Variants in CSNK1G1 observed in about 807,000 individuals in gnomAD.
CSNK1G1 encodes the protein casein kinase 1 gamma 1, also known as casein kinase I isoform gamma-1.
CSNK1G1 carries 22 observed loss-of-function variants against 59.6 expected under a neutral mutation model. That is an observed-to-expected ratio of 0.37 (90% CI 0.26 to 0.53). The LOEUF (loss-of-function observed/expected upper bound fraction) is 0.53, where lower values mean the gene tolerates loss of function less well. Ranked by LOEUF, CSNK1G1 falls within the 20% of genes least tolerant of loss-of-function variation. CSNK1G1 has a pLI of 0.89. For synonymous variants in CSNK1G1, 179 were observed against 177.1 expected (o/e 1.01, Z -0.08); for missense variants, 384 against 519.5 (o/e 0.74, Z 2.54).
chr15:64,196,455 C>CT (rs869219108), intron 10 of CSNK1G1, among the ~76,000 whole-genome samples: 203 of 143,550 alleles, frequency 1.4e-3, no homozygotes, highest in Middle Eastern at 7.2e-3. Context: ...ATCACCTGAA[C>CT]TTTTTTTTTT....
intron 1 of CSNK1G1, among the ~76,000 whole-genome samples, chr15:64,352,230 C>T (rs1406551567): frequency 4.0e-5 from 6 of 151,698 alleles, no homozygotes; most frequent in Admixed American, 3.3e-4. Context: ...TGCTTGAACC[C>T]GGGAGGCGGA....
intron 2 of CSNK1G1, among the ~76,000 whole-genome samples, chr15:64,299,463 A>G (rs1265450942): frequency 2.6e-5 from 4 of 151,924 alleles, no homozygotes; most frequent in Middle Eastern, 3.4e-3. Flanking sequence ...GTGGTGGCGG[A>G]TGCCTGTAGT....
intron 2 of CSNK1G1, among the ~76,000 whole-genome samples, chr15:64,278,136 C>T (rs990347017): frequency 4.0e-5 from 6 of 150,610 alleles, no homozygotes; most frequent in Admixed American, 1.3e-4. Context: ...ACCTCTGCCC[C>T]GCCGGTTTCA....
At chr15:64,259,090 A>G (rs535781348) in intron 3 of CSNK1G1, 111 bp downstream of exon 3, 1 of 840,634 alleles carries the variant, frequency 1.2e-6, no homozygotes, top group Non-Finnish European at 1.8e-6. Flanking sequence ...CACAAAAAAA[A>G]CCCCAAACCA....
chr15:64,179,394 T>C (rs1029521256), intron 11 of CSNK1G1, among the ~76,000 whole-genome samples: 4 of 152,148 alleles, frequency 2.6e-5, no homozygotes, highest in Non-Finnish European at 5.9e-5. Context: ...TGTTCTGGCT[T>C]GTATTAAGCT....
Position 64,166,107 on chromosome 15 carries a change from G to A in CSNK1G1, c.*5824C>T, listed in dbSNP as rs1380145770. 6 of 599,990 alleles carry A rather than the reference G, an allele frequency of 1.0e-5. No homozygotes were observed. Among genetic ancestry groups the A allele is most frequent in the East Asian group, 3.0e-5 (1 of 33,664 alleles). 37.2% of individuals were successfully genotyped at this position (599,990 alleles called of 1,614,324 possible). On this transcript the variant is annotated 3_prime_UTR_variant, in exon 12 of 12. Transcript: ENST00000303052. The surrounding 1 kb of genome is among the most constrained non-coding windows in gnomAD (Gnocchi z 4.5). The stretch of plus-strand genomic sequence containing the variant: ...TAAAAAAAAAAAAAGTAAAAAAAGA[G>A]GCATTTAACAATAATCAGACACATC...
chr15:64,265,261 G>C (rs1892914858), intron 2 of CSNK1G1, among the ~76,000 whole-genome samples: 1 of 152,222 alleles, frequency 6.6e-6, no homozygotes, highest in Non-Finnish European at 1.5e-5. Context: ...GGAGCACACA[G>C]TGTGTGGGAG....
intron 2 of CSNK1G1, among the ~76,000 whole-genome samples, chr15:64,277,778 A>ATAATATATT (rs1893786138): frequency 8.8e-6 from 1 of 113,500 alleles, no homozygotes; most frequent in Non-Finnish European, 1.8e-5. Flanking sequence ...GATATATTTA[A>ATAATATATT]TAATATATTA....
At chr15:64,215,497 C>A (rs887517454) in intron 5 of CSNK1G1, among the ~76,000 whole-genome samples, 9 of 152,168 alleles carry the variant, frequency 5.9e-5, no homozygotes, top group Non-Finnish European at 1.2e-4. Context: ...CAGGCGTGAG[C>A]CACCATTCCC....
Position 64,203,152 on chromosome 15 carries a change from G to A in CSNK1G1, c.1037C>T (p.Ala346Val), listed in dbSNP as rs1388008945. ...GTGGCTTTCTCGAGTTATTGCAGATGCACCAGAATCTACGTGAACTGACCC... is the reference window on the plus strand; with the variant it reads ...GTGGCTTTCTCGAGTTATTGCAGATACACCAGAATCTACGTGAACTGACCC... ...PVGSVHVDSG[A>V]SAITRESHTH... The change falls in exon 10 of 12, where the codon GCA becomes GTA. Residue 346 changes from alanine (A) to valine (V), a missense_variant. Transcript: ENST00000303052. The A allele has an allele frequency of 1.9e-6, 3 of 1,613,872 alleles. No individual in the cohort carries two copies. In the African/African-American group the frequency reaches 4.0e-5, roughly 22 times the overall value.
chr15:64,288,568 GTA>G (rs1332050257), intron 2 of CSNK1G1, among the ~76,000 whole-genome samples: 2 of 151,848 alleles, frequency 1.3e-5, no homozygotes, highest in East Asian at 1.9e-4. Context: ...ATATATGTGT[GTA>G]TGTGTGTGTG....
intron 10 of CSNK1G1, among the ~76,000 whole-genome samples, chr15:64,201,765 T>G (rs1014767037): frequency 5.9e-5 from 9 of 151,584 alleles, no homozygotes; most frequent in Non-Finnish European, 1.0e-4. Context: ...TATACTATTC[T>G]TAACCTATAT....
chr15:64,294,958 G>A (rs1461021910), intron 2 of CSNK1G1, among the ~76,000 whole-genome samples: 7 of 150,068 alleles, frequency 4.7e-5, no homozygotes, highest in South Asian at 2.1e-4. Flanking sequence ...GTGGCCAGGC[G>A]CGGTGGCTCA....
chr15:64,319,609 G>A (rs1012406841), intron 1 of CSNK1G1, among the ~76,000 whole-genome samples: 3 of 151,946 alleles, frequency 2.0e-5, no homozygotes, highest in African/African-American at 7.3e-5. Context: ...GCAGTGGCAC[G>A]ATCTCGCTCA....
intron 1 of CSNK1G1, among the ~76,000 whole-genome samples, chr15:64,320,615 G>A (rs67787632): frequency 0.23 from 33,864 of 149,354 alleles, 5,403 homozygotes; most frequent in East Asian, 0.78. Flanking sequence ...GGAAGTGGAG[G>A]TTGCAGTGAG....
intron 2 of CSNK1G1, among the ~76,000 whole-genome samples, chr15:64,280,625 G>GT (rs1470352268): frequency 6.6e-6 from 1 of 152,042 alleles, no homozygotes; most frequent in South Asian, 2.1e-4. Context: ...CTCCCAAAGT[G>GT]TTAAGGATTA....
At chr15:64,260,105 T>C (rs1260709204) in intron 2 of CSNK1G1, among the ~76,000 whole-genome samples, 1 of 152,224 alleles carries the variant, frequency 6.6e-6, no homozygotes, top group African/African-American at 2.4e-5. Context: ...GAGTGCTTAG[T>C]ACATATCATG....
intron 11 of CSNK1G1, 44 bp from the exon 12 acceptor site, chr15:64,172,029 G>A: frequency 1.3e-6 from 2 of 1,569,992 alleles, no homozygotes; most frequent in Non-Finnish European, 1.8e-6. Context: ...GAGGCCTGCA[G>A]CTTCCAGCAG....
chr15:64,254,756 T>A (rs564292196), intron 3 of CSNK1G1, among the ~76,000 whole-genome samples: 1 of 152,366 alleles, frequency 6.6e-6, no homozygotes, highest in East Asian at 1.9e-4. Context: ...TTGCCCTTTT[T>A]AGAATTCTGT....
Sources: gnomAD v4.1 joint callset for allele counts (sites outside exome capture counted in the v4.1 genomes callset) on GRCh38, gnomAD v4.1.1 for gene constraint, Gnocchi (gnomAD v3.1) non-coding constraint, MANE v1.5 for transcripts, NCBI Gene and HGNC (gene_info 2026-07-23, HGNC 2026-07-21) for gene names.